MKLN1: variants seen among roughly 807,000 people sequenced by gnomAD.
MKLN1 encodes muskelin.
Under a neutral mutation model 99.0 loss-of-function variants are expected in MKLN1, and 18 were observed. That is an observed-to-expected ratio of 0.18 (90% CI 0.13 to 0.27). The LOEUF (loss-of-function observed/expected upper bound fraction) is 0.27, where lower values mean the gene tolerates loss of function less well. Among genes scored for constraint, MKLN1 ranks in the 10% least tolerant of loss-of-function variants. The probability of loss-of-function intolerance (pLI) is 1.00; values close to 1 mark genes in which losing one functional copy is unlikely to be tolerated. For synonymous variants in MKLN1, 288 were observed against 293.2 expected (o/e 0.98, Z 0.18); for missense variants, 621 against 875.9 (o/e 0.71, Z 3.67).
chr7:131,295,599 C>CA (rs1267873245), intron 3 of MKLN1, among the ~76,000 whole-genome samples: 2 of 151,694 alleles, frequency 1.3e-5, no homozygotes, highest in African/African-American at 4.8e-5. Context: ...AATAGAGTGG[C>CA]AAAAAGCCAG....
intron 3 of MKLN1, among the ~76,000 whole-genome samples, chr7:131,307,138 GT>G (rs1798479410): frequency 6.6e-6 from 1 of 152,146 alleles, no homozygotes; most frequent in African/African-American, 2.4e-5. Flanking sequence ...GCTCCAGAGT[GT>G]GCTGCCCCAT....
intron 1 of MKLN1, among the ~76,000 whole-genome samples, chr7:131,131,134 T>C (rs1011978221): frequency 2.1e-5 from 3 of 145,942 alleles, no homozygotes; most frequent in Non-Finnish European, 3.0e-5. Flanking sequence ...GGTGGGAGGA[T>C]CGCTTGAGCT....
chr7:131,206,657 G>A (rs1472843162), intron 3 of MKLN1, among the ~76,000 whole-genome samples: 2 of 151,890 alleles, frequency 1.3e-5, no homozygotes, highest in Non-Finnish European at 2.9e-5. Flanking sequence ...CTGGGTTCAA[G>A]CAATCTTCTT....
At chr7:131,138,567 A>G (rs1307072554) in intron 1 of MKLN1, among the ~76,000 whole-genome samples, 1 of 152,206 alleles carries the variant, frequency 6.6e-6, no homozygotes, top group Non-Finnish European at 1.5e-5. Flanking sequence ...GCCTTCTTTG[A>G]AAGACAAGCA....
intron 3 of MKLN1, among the ~76,000 whole-genome samples, chr7:131,271,140 GTCA>G (rs547362399): frequency 8.4e-4 from 128 of 152,288 alleles, no homozygotes; most frequent in African/African-American, 2.9e-3. Flanking sequence ...CGTGATGAAT[GTCA>G]TCATGGAGAA....
chr7:131,400,041 G>A (rs1274057319), intron 6 of MKLN1, among the ~76,000 whole-genome samples: 1 of 151,674 alleles, frequency 6.6e-6, no homozygotes, highest in Non-Finnish European at 1.5e-5. Flanking sequence ...GGACTCTGTT[G>A]TTGCTTATAG....
intron 1 of MKLN1, among the ~76,000 whole-genome samples, chr7:131,335,888 G>C (rs1799236227): frequency 6.6e-6 from 1 of 151,680 alleles, no homozygotes; most frequent in East Asian, 1.9e-4. Context: ...AAAAGACTAT[G>C]CATTCTGCTG....
At chr7:131,145,705 G>A (rs943771069) in intron 2 of MKLN1, among the ~76,000 whole-genome samples, 4 of 152,270 alleles carry the variant, frequency 2.6e-5, no homozygotes, top group Non-Finnish European at 5.9e-5. Flanking sequence ...CGGCAGAGGA[G>A]AGATTTGATC....
chr7:131,368,302 G>T (rs1056914186), intron 1 of MKLN1, among the ~76,000 whole-genome samples: 5 of 152,118 alleles, frequency 3.3e-5, no homozygotes, highest in Non-Finnish European at 7.4e-5. Flanking sequence ...TAGTTTCTTT[G>T]CTGTCTTTTT....
chr7:131,356,361 C>G (rs1456308899), intron 1 of MKLN1, among the ~76,000 whole-genome samples: 2 of 152,122 alleles, frequency 1.3e-5, no homozygotes, highest in African/African-American at 4.8e-5. Context: ...TGATGGTCGC[C>G]TAACACTCCT....
intron 2 of MKLN1, among the ~76,000 whole-genome samples, chr7:131,198,794 A>T (rs955004739): frequency 6.6e-5 from 10 of 152,238 alleles, no homozygotes; most frequent in African/African-American, 2.4e-4. Flanking sequence ...AAATATTACA[A>T]AGAAGAAGAA....
rs564168146 is a variant in MKLN1 at position 131,359,293 on chromosome 7, A to G, written c.99-16131A>G. ...ATGTATCATTTGGAAGTATGTTTAC[A>G]CCAAATATTTTGGGATTTTCCAGCT... is the stretch of plus-strand genomic sequence containing the variant. On this transcript the variant is annotated intron_variant, in intron 1 of 17. Coordinates refer to ENST00000352689, the MANE Select transcript of MKLN1 (RefSeq NM_013255.5). Among the ~76,000 whole-genome samples, 26 of 152,298 alleles carry G rather than the reference A, an allele frequency of 1.7e-4. No homozygotes were observed. In the East Asian group the frequency reaches 4.6e-3, roughly 27 times the overall value.
chr7:131,205,097 C>CA (rs5887500), intron 3 of MKLN1, among the ~76,000 whole-genome samples: 101 of 141,346 alleles, frequency 7.1e-4, no homozygotes, highest in South Asian at 2.3e-3. Context: ...GACTCCGTCT[C>CA]AAAAAAAAAA....
chr7:131,115,017 A>T (rs150346103), intron 1 of MKLN1, among the ~76,000 whole-genome samples: 33 of 152,272 alleles, frequency 2.2e-4, no homozygotes, highest in African/African-American at 7.9e-4. Flanking sequence ...TGTGTTCGGC[A>T]AGAAGGAGTT....
intron 9 of MKLN1, among the ~76,000 whole-genome samples, chr7:131,433,814 A>G (rs1795596621): frequency 6.6e-6 from 1 of 152,080 alleles, no homozygotes; most frequent in African/African-American, 2.4e-5. Context: ...TGTTGGGATT[A>G]TGATGGGAAT....
intron 3 of MKLN1, among the ~76,000 whole-genome samples, chr7:131,264,377 AT>A (rs1412426701): frequency 6.6e-6 from 1 of 152,202 alleles, no homozygotes; most frequent in Non-Finnish European, 1.5e-5. Flanking sequence ...TATCATTTAA[AT>A]TTAGAGTAAG....
intron 3 of MKLN1, among the ~76,000 whole-genome samples, chr7:131,245,385 AGCCTCCCGAGTAGCTGGGATTACAG>A (rs1797471225): frequency 1.3e-5 from 2 of 150,166 alleles, no homozygotes; most frequent in South Asian, 4.2e-4. Context: ...CTCCTACCTC[AGCCTCCCGAGTAGCTGGGATTACAG>A]GTGCCCACAA....
intron 3 of MKLN1, among the ~76,000 whole-genome samples, chr7:131,250,890 TA>T (rs1278637699): frequency 6.6e-6 from 1 of 152,120 alleles, no homozygotes; most frequent in African/African-American, 2.4e-5. Flanking sequence ...CAAGTGTGAG[TA>T]AAGTAACAGG....
chr7:131,480,539 T>G (rs772059063), intron 17 of MKLN1, among the ~76,000 whole-genome samples: 1 of 152,190 alleles, frequency 6.6e-6, no homozygotes, highest in Non-Finnish European at 1.5e-5. Context: ...CTCCAGAATA[T>G]GTAGGATTCC....
Sources: gnomAD v4.1 joint callset for allele counts (sites outside exome capture counted in the v4.1 genomes callset) on GRCh38, gnomAD v4.1.1 for gene constraint, MANE v1.5 for transcripts, NCBI Gene and HGNC (gene_info 2026-07-23, HGNC 2026-07-21) for gene names.